Variants in FUT8 observed in about 807,000 individuals in gnomAD.
FUT8 encodes the protein fucosyltransferase 8, also known as alpha-(1,6)-fucosyltransferase.
A neutral mutation model predicts 71.3 loss-of-function variants in FUT8; 29 were observed. The ratio of observed to expected loss-of-function variants is 0.41; its 90% CI spans 0.30 to 0.55. FUT8 has a LOEUF of 0.55. Among genes scored for constraint, FUT8 ranks in the 20% least tolerant of loss-of-function variants. FUT8 has a pLI of 0.34. For missense variants in FUT8, 544 were observed against 702.1 expected (o/e 0.77, Z 2.55); for synonymous variants, 254 against 239.3 (o/e 1.06, Z -0.57).
chr14:65,375,159 C>T, the FUT8 span, among the ~76,000 whole-genome samples: 1,073 of 152,108 alleles, frequency 7.1e-3, 11 homozygotes, highest in African/African-American at 0.025. Context: ...CTCAATACAC[C>T]CTTTAAGATG....
upstream of FUT8, among the ~76,000 whole-genome samples, chr14:65,406,418 A>G (rs1287326420): frequency 6.6e-6 from 1 of 152,254 alleles, no homozygotes; most frequent in Admixed American, 6.5e-5. Flanking sequence ...CTTTTGAGAA[A>G]ATAAAAGCTT....
Position 65,489,554 on chromosome 14 carries a change from G to T in FUT8, c.-228+33836G>T, listed in dbSNP as rs987396833. Among the ~76,000 whole-genome samples, 3 of 151,982 alleles carry T rather than the reference G, an allele frequency of 2.0e-5. No homozygotes were observed. Among genetic ancestry groups the T allele is most frequent in the Non-Finnish European group, 4.4e-5 (3 of 67,960 alleles). On this transcript the variant is annotated intron_variant, in intron 2 of 10. Transcript: ENST00000673929. This position sits in a 1 kb window ranked among gnomAD's most constrained non-coding sequence, Gnocchi z 4.0. ...GTTACTTAAAAAGTTCTATAGATTT[G>T]TGATTAAAAAAATAGTTCCCTATTT...
At chr14:65,504,050 T>G (rs984607577) in intron 2 of FUT8, among the ~76,000 whole-genome samples, 1 of 152,238 alleles carries the variant, frequency 6.6e-6, no homozygotes, top group Non-Finnish European at 1.5e-5. Flanking sequence ...GTTGTAAATA[T>G]GTTCTGGTGT....
intron 6 of FUT8, among the ~76,000 whole-genome samples, chr14:65,666,118 A>C (rs1892201779): frequency 6.6e-6 from 1 of 152,068 alleles, no homozygotes; most frequent in Non-Finnish European, 1.5e-5. Flanking sequence ...TAAAAAAGAG[A>C]AGTGAAAGAA....
chr14:65,617,620 C>CT (rs1423841521), intron 5 of FUT8, among the ~76,000 whole-genome samples: 12 of 152,156 alleles, frequency 7.9e-5, no homozygotes, highest in African/African-American at 2.7e-4. Context: ...ATTTTGGCCA[C>CT]TGACTTCTGA....
the FUT8 span, among the ~76,000 whole-genome samples, chr14:65,392,327 C>A: frequency 6.6e-6 from 1 of 152,120 alleles, no homozygotes; most frequent in Non-Finnish European, 1.5e-5. Context: ...TGTCTGATAC[C>A]CCTCAGGTAA....
intron 3 of FUT8, among the ~76,000 whole-genome samples, chr14:65,608,300 C>T (rs573541936): frequency 5.9e-5 from 9 of 151,866 alleles, no homozygotes; most frequent in East Asian, 1.9e-4. Context: ...TTTGTGCCTA[C>T]GTTCTTTTTC....
the FUT8 span, among the ~76,000 whole-genome samples, chr14:65,373,398 C>A: frequency 2.6e-5 from 4 of 151,368 alleles, no homozygotes; most frequent in Admixed American, 6.6e-5. Context: ...CAGAGTGGCA[C>A]GGCAGAGATG....
intron 7 of FUT8, among the ~76,000 whole-genome samples, chr14:65,690,436 A>C (rs1487496607): frequency 6.6e-6 from 1 of 152,202 alleles, no homozygotes; most frequent in African/African-American, 2.4e-5. Context: ...TCAGGATTTC[A>C]ATTGTGATTG....
intron 5 of FUT8, among the ~76,000 whole-genome samples, chr14:65,628,106 A>C (rs1176550509): frequency 6.6e-6 from 1 of 152,200 alleles, no homozygotes; most frequent in Admixed American, 6.5e-5. Context: ...TAGATGAGCC[A>C]TGTGAATAGA....
chr14:65,678,107 A>G (rs1892855840), intron 7 of FUT8, among the ~76,000 whole-genome samples: 1 of 152,248 alleles, frequency 6.6e-6, no homozygotes, highest in African/African-American at 2.4e-5. Flanking sequence ...AGTGGTTTAT[A>G]TATTCTAAAT....
chr14:65,582,096 A>G (rs1045095674), intron 3 of FUT8, among the ~76,000 whole-genome samples: 1 of 152,188 alleles, frequency 6.6e-6, no homozygotes, highest in African/African-American at 2.4e-5. Flanking sequence ...ACTCTGCAGC[A>G]TAGAGACATA....
At chr14:65,724,411 ATAT>A in intron 9 of FUT8, 88 bp downstream of exon 9, 1 of 766,310 alleles carries the variant, frequency 1.3e-6, no homozygotes, top group Non-Finnish European at 2.1e-6. Context: ...TGATTTTTGT[ATAT>A]TATTATTGCT....
chr14:65,712,499 A>C (rs1259947045), intron 7 of FUT8, among the ~76,000 whole-genome samples: 1 of 152,174 alleles, frequency 6.6e-6, no homozygotes, highest in Non-Finnish European at 1.5e-5. Flanking sequence ...TCTGGAGTGC[A>C]AATGGCATGA....
chr14:65,650,267 C>T (rs1477859788), intron 6 of FUT8, among the ~76,000 whole-genome samples: 1 of 131,940 alleles, frequency 7.6e-6, no homozygotes, highest in Non-Finnish European at 1.5e-5. Context: ...CCACTGCACT[C>T]CAGCCTGGGT....
chr14:65,699,707 A>G (rs778443675), intron 7 of FUT8, among the ~76,000 whole-genome samples: 1 of 152,102 alleles, frequency 6.6e-6, no homozygotes, highest in African/African-American at 2.4e-5. Flanking sequence ...TGGCAATTCC[A>G]TTGTATTCTT....
chr14:65,711,613 G>A (rs116615983), intron 7 of FUT8, among the ~76,000 whole-genome samples: 2,677 of 152,058 alleles, frequency 0.018, 80 homozygotes, highest in African/African-American at 0.061. Context: ...CATTAGGGGA[G>A]ACTATTACAG....
chr14:65,396,090 A>T, the FUT8 span, among the ~76,000 whole-genome samples: 1 of 152,334 alleles, frequency 6.6e-6, no homozygotes, highest in African/African-American at 2.4e-5. The surrounding 1 kb of genome is among the most constrained non-coding windows in gnomAD (Gnocchi z 5.5). Context: ...AGACCACCTC[A>T]GCCTGGATTT....
At chr14:65,635,671 C>T (rs774329700) in intron 6 of FUT8, among the ~76,000 whole-genome samples, 156 of 152,182 alleles carry the variant, frequency 1.0e-3, no homozygotes, top group Middle Eastern at 3.4e-3. Context: ...TCCCTGCATC[C>T]CTGGTATGAA....
Sources: gnomAD v4.1 joint callset for allele counts (sites outside exome capture counted in the v4.1 genomes callset) on GRCh38, gnomAD v4.1.1 for gene constraint, Gnocchi (gnomAD v3.1) non-coding constraint, MANE v1.5 for transcripts, NCBI Gene and HGNC (gene_info 2026-07-23, HGNC 2026-07-21) for gene names.